Variants in WDHD1 observed in about 807,000 individuals in gnomAD.
WDHD1 encodes WD repeat and HMG-box DNA-binding protein 1.
WDHD1 carries 111 observed loss-of-function variants against 135.4 expected under a neutral mutation model. The observed-to-expected ratio is 0.82, with a 90% CI of 0.70 to 0.96. WDHD1 has a LOEUF of 0.96. WDHD1 is among the 40% of genes least tolerant of loss of function. The pLI, the probability that WDHD1 is intolerant of heterozygous loss-of-function variation, is 0.00. For synonymous variants in WDHD1, 434 were observed against 439.0 expected (o/e 0.99, Z 0.14); for missense variants, 1,351 against 1,336.3 (o/e 1.01, Z -0.17).
intron 2 of WDHD1, among the ~76,000 whole-genome samples, chr14:55,017,412 G>A (rs1027806953): frequency 6.6e-5 from 10 of 151,794 alleles, no homozygotes; most frequent in Admixed American, 3.9e-4. Flanking sequence ...GCACCATCTC[G>A]GGTCACTGCA....
intron 2 of WDHD1, among the ~76,000 whole-genome samples, chr14:55,020,102 C>T (rs1408856325): frequency 1.3e-5 from 2 of 152,282 alleles, no homozygotes; most frequent in East Asian, 3.9e-4. Flanking sequence ...TCTATATACT[C>T]AGCTTTCTTT....
chr14:55,002,407 A>G (rs1455168959), intron 7 of WDHD1, among the ~76,000 whole-genome samples: 1 of 152,134 alleles, frequency 6.6e-6, no homozygotes, highest in Admixed American at 6.5e-5. Context: ...AGTAGCTGGG[A>G]CTACAGGCAT....
intron 16 of WDHD1, 103 bp from the exon 17 acceptor site, chr14:54,967,497 T>C: frequency 1.5e-6 from 1 of 685,520 alleles, no homozygotes; most frequent in Middle Eastern, 2.8e-4. Context: ...ATAGTAATAT[T>C]ATAATAGCTG....
chr14:55,011,790 C>A (rs182394595), intron 3 of WDHD1, among the ~76,000 whole-genome samples: 2 of 151,626 alleles, frequency 1.3e-5, no homozygotes, highest in Admixed American at 1.3e-4. Context: ...AAAATAGATA[C>A]CCTACTTTTA....
rs1430193170 is a variant in WDHD1 at position 54,962,503 on chromosome 14, T to TC, written c.2695_2696insG (p.Lys899ArgfsTer8). ...AATTTATAAATATTTCTCACCTGAC[T>TC]TAGCTGAAACATCAGAGGAATTTGT... On this transcript the variant is annotated frameshift_variant, in exon 21 of 26. Transcript: ENST00000360586. LOFTEE classifies it high-confidence loss of function. 2 of 1,608,504 alleles carry TC rather than the reference T, an allele frequency of 1.2e-6. No individual in the cohort carries two copies. The highest frequency in any genetic ancestry group is 2.7e-5 in the African/African-American group (2 of 74,706).
At chr14:55,002,700 G>A (rs895753377) in intron 7 of WDHD1, among the ~76,000 whole-genome samples, 1 of 151,986 alleles carries the variant, frequency 6.6e-6, no homozygotes, top group Non-Finnish European at 1.5e-5. Flanking sequence ...AAACTCCTGG[G>A]GTCAAAGGAT....
Position 54,945,732 on chromosome 14 carries a change from G to A in WDHD1, c.3051-1262C>T, listed in dbSNP as rs1356566320. Among the ~76,000 whole-genome samples the A allele has an allele frequency of 3.9e-5, 6 of 152,162 alleles. No individual in the cohort carries two copies. The South Asian group carries it at 1.2e-3, about 32-fold the overall frequency. On this transcript the variant is annotated intron_variant, in intron 24 of 25. Coordinates refer to ENST00000360586, the MANE Select transcript of WDHD1 (RefSeq NM_007086.4). ...ATTTTTGTATTTTTAGTAAAGACAG[G>A]GTTTCACCATATTGGCCAGGTGGGT...
At chr14:54,943,333 A>T (rs1051799799) in intron 25 of WDHD1, among the ~76,000 whole-genome samples, 7 of 152,220 alleles carry the variant, frequency 4.6e-5, no homozygotes, top group African/African-American at 1.4e-4. Flanking sequence ...TACAATTTTT[A>T]AAAATTCTGC....
chr14:55,001,739 G>T (rs992933611), intron 8 of WDHD1, among the ~76,000 whole-genome samples: 1 of 152,154 alleles, frequency 6.6e-6, no homozygotes, highest in Admixed American at 6.5e-5. Flanking sequence ...AAATATCTAC[G>T]CATGTAAGAG....
chr14:54,948,741 T>C (rs188496740), intron 24 of WDHD1, among the ~76,000 whole-genome samples: 1 of 152,192 alleles, frequency 6.6e-6, no homozygotes, highest in Non-Finnish European at 1.5e-5. Context: ...GTAGCCTAAC[T>C]GGGAGGCACC....
At chr14:54,971,232 C>G (rs1043023571) in intron 16 of WDHD1, among the ~76,000 whole-genome samples, 6 of 152,268 alleles carry the variant, frequency 3.9e-5, no homozygotes, top group Non-Finnish European at 7.4e-5. Flanking sequence ...CAAAAATTGA[C>G]AAGTGGGACC....
chr14:54,991,512 G>T, intron 11 of WDHD1, 112 bp from the exon 12 acceptor site: 1 of 1,017,484 alleles, frequency 9.8e-7, no homozygotes, highest in Non-Finnish European at 1.4e-6. Flanking sequence ...ACACTGACAT[G>T]CTATTTGCCT....
In WDHD1 at chr14:55,008,593, G is replaced by C; in HGVS notation, c.453+15C>G. On this transcript the variant is annotated intron_variant, in intron 5 of 25. Coordinates refer to ENST00000360586, the MANE Select transcript of WDHD1 (RefSeq NM_007086.4). ...ATTCAGGAAAAACACAAAAAGAGAA[G>C]GAAAAAATAATTACCAGAAAGATGT... 6.4e-7 allele frequency: 1 copy of C among 1,570,600 alleles called. No homozygotes were observed.
At chr14:54,964,265 C>T (rs1268396304) in intron 18 of WDHD1, among the ~76,000 whole-genome samples, 3 of 152,128 alleles carry the variant, frequency 2.0e-5, no homozygotes, top group Admixed American at 1.3e-4. Flanking sequence ...CACCTGGATG[C>T]CCTTTTCAAG....
In WDHD1 at chr14:54,991,341, C is replaced by A. The variant is rs1210858736; in HGVS notation, c.1213G>T (p.Glu405Ter). 6.2e-7 allele frequency: 1 copy of A among 1,614,074 alleles called. No individual in the cohort carries two copies. Among genetic ancestry groups the A allele is most frequent in the Non-Finnish European group, 8.5e-7 (1 of 1,180,038 alleles). ...AGTGGTAGATTGTGAATGCTGCCTT[C>A]TTGACCATCTTCCTCCTCCTCTTTG... ...LLKEEEEDGQEGSIHNLPLVT... is the reference protein window; with the variant it reads ...LLKEEEEDGQ Residue 405 changes from glutamate to a stop codon, truncating the protein, a stop_gained, in exon 12 of 26, where the codon GAA (glutamate) becomes TAA (stop). Coordinates refer to ENST00000360586, the MANE Select transcript of WDHD1 (RefSeq NM_007086.4). LOFTEE classifies it high-confidence loss of function.
intron 12 of WDHD1, among the ~76,000 whole-genome samples, chr14:54,990,323 C>T (rs57922954): frequency 0.28 from 42,763 of 151,902 alleles, 6,085 homozygotes; most frequent in South Asian, 0.3. Context: ...TCAGGCCAGG[C>T]GCGGTGGCTC....
At chr14:54,957,723 C>A in intron 21 of WDHD1, 88 bp from the exon 22 acceptor site, 2 of 1,086,106 alleles carry the variant, frequency 1.8e-6, no homozygotes, top group Non-Finnish European at 1.3e-6. Context: ...ATTTTAATCC[C>A]CATTAAATGA....
At chr14:55,007,740 A>T (rs1285394934) in intron 6 of WDHD1, among the ~76,000 whole-genome samples, 3 of 152,258 alleles carry the variant, frequency 2.0e-5, no homozygotes, top group African/African-American at 7.2e-5. Flanking sequence ...TCTTTTAAAT[A>T]GCTCAAGAAT....
intron 5 of WDHD1, 66 bp downstream of exon 5, chr14:55,008,542 T>C: frequency 1.3e-6 from 2 of 1,492,076 alleles, no homozygotes; most frequent in Non-Finnish European, 1.8e-6. Flanking sequence ...TTTTAGAGAG[T>C]TAGTAGGAAA....
Sources: allele counts gnomAD v4.1 joint callset (sites outside exome capture counted in the v4.1 genomes callset), GRCh38; gene constraint gnomAD v4.1.1; transcripts MANE v1.5; gene names NCBI Gene and HGNC (gene_info 2026-07-23, HGNC 2026-07-21).